Variants in TMEM163 observed in about 807,000 individuals in gnomAD.
TMEM163 encodes transmembrane protein 163.
Under a neutral mutation model 29.3 loss-of-function variants are expected in TMEM163, and 17 were observed. The observed-to-expected ratio is 0.58, with a 90% CI of 0.40 to 0.87. The LOEUF is 0.87. Among genes scored for constraint, TMEM163 ranks in the 40% least tolerant of loss-of-function variants. The probability of loss-of-function intolerance (pLI) is 0.00; values close to 1 mark genes in which losing one functional copy is unlikely to be tolerated. For missense variants in TMEM163, 303 were observed against 381.5 expected (o/e 0.79, Z 1.71); for synonymous variants, 157 against 160.6 (o/e 0.98, Z 0.17).
intron 2 of TMEM163, among the ~76,000 whole-genome samples, chr2:134,602,872 T>A (rs376990263): frequency 2.0e-5 from 3 of 152,046 alleles, no homozygotes; most frequent in Admixed American, 2.0e-4. Flanking sequence ...GGGGATCCCA[T>A]TGGCTCTCAA....
At chr2:134,634,007 ATATATATATAT>A (rs1558971931) in intron 2 of TMEM163, among the ~76,000 whole-genome samples, 18 of 29,458 alleles carry the variant, frequency 6.1e-4, no homozygotes, top group African/African-American at 2.2e-3. Flanking sequence ...ATATATATAT[ATATATATATAT>A]ATAATAGGAC....
chr2:134,522,991 C>T (rs141851287), intron 4 of TMEM163, among the ~76,000 whole-genome samples: 76 of 152,284 alleles, frequency 5.0e-4, no homozygotes, highest in Middle Eastern at 3.4e-3. Context: ...AGAACCACAC[C>T]GCCTCATACA....
intron 2 of TMEM163, among the ~76,000 whole-genome samples, chr2:134,613,500 G>A (rs1231431771): frequency 1.3e-5 from 2 of 151,966 alleles, no homozygotes; most frequent in Non-Finnish European, 2.9e-5. Flanking sequence ...GGGAAATTTT[G>A]AAAAACAAGA....
chr2:134,459,436 A>G (rs1287812015), intron 6 of TMEM163, among the ~76,000 whole-genome samples: 1 of 152,162 alleles, frequency 6.6e-6, no homozygotes, highest in Non-Finnish European at 1.5e-5. Flanking sequence ...TTCCTGTAAC[A>G]GGAACAAGGG....
At chr2:134,606,922 A>G (rs1682384126) in intron 2 of TMEM163, among the ~76,000 whole-genome samples, 1 of 148,054 alleles carries the variant, frequency 6.8e-6, no homozygotes, top group African/African-American at 2.7e-5. Context: ...ACAGACCCCG[A>G]GAACTGTGCT....
In TMEM163 at chr2:134,458,262, A is replaced by G; in HGVS notation, c.668-89T>C. Reference sequence around the variant, plus strand: ...GCCAGTCCTGCCTCCACGTAACTGGAGCATGTGCTGGGAGGAATGATGCCC... The same window carrying G: ...GCCAGTCCTGCCTCCACGTAACTGGGGCATGTGCTGGGAGGAATGATGCCC... On this transcript the variant is annotated intron_variant, in intron 6 of 7. Transcript: ENST00000281924. 7 of 1,511,828 alleles carry G rather than the reference A, an allele frequency of 4.6e-6. No homozygotes were observed. In the South Asian group the frequency reaches 8.3e-5, roughly 18 times the overall value. The allele number at this position is 1,511,828 out of a possible 1,614,324, so 93.7% of individuals were successfully genotyped here.
At chr2:134,669,057 A>G (rs1375945521) in intron 2 of TMEM163, among the ~76,000 whole-genome samples, 1 of 152,204 alleles carries the variant, frequency 6.6e-6, no homozygotes, top group East Asian at 1.9e-4. Flanking sequence ...CTGCAGAGGC[A>G]TCTGTGAGAG....
At chr2:134,701,269 T>C (rs1684698144) in intron 2 of TMEM163, among the ~76,000 whole-genome samples, 1 of 151,534 alleles carries the variant, frequency 6.6e-6, no homozygotes, top group Non-Finnish European at 1.5e-5. Context: ...CTAGAAAGCA[T>C]ATGGGCAAGT....
At chr2:134,529,237 A>G (rs1680362407) in intron 4 of TMEM163, among the ~76,000 whole-genome samples, 1 of 152,216 alleles carries the variant, frequency 6.6e-6, no homozygotes, top group African/African-American at 2.4e-5. Context: ...AGGCTGAGAC[A>G]GGAGGATCAC....
At chr2:134,498,080 C>T (rs1284015505) in intron 5 of TMEM163, among the ~76,000 whole-genome samples, 1 of 152,198 alleles carries the variant, frequency 6.6e-6, no homozygotes, top group Non-Finnish European at 1.5e-5. Flanking sequence ...TCATTTGATC[C>T]TTATCATAAG....
chr2:134,680,194 A>T (rs1188653239), intron 2 of TMEM163, among the ~76,000 whole-genome samples: 1 of 152,226 alleles, frequency 6.6e-6, no homozygotes, highest in Non-Finnish European at 1.5e-5. Flanking sequence ...TGGAGCAAAA[A>T]ATCTTAAATG....
chr2:134,549,168 A>T (rs142977277), intron 4 of TMEM163, among the ~76,000 whole-genome samples: 13 of 152,046 alleles, frequency 8.6e-5, no homozygotes, highest in African/African-American at 2.7e-4. Context: ...GTTTTTGTAC[A>T]CTAAAGCTAA....
At chr2:134,604,923 T>C (rs900361434) in intron 2 of TMEM163, among the ~76,000 whole-genome samples, 1 of 152,198 alleles carries the variant, frequency 6.6e-6, no homozygotes, top group Non-Finnish European at 1.5e-5. Context: ...CTCACACCTG[T>C]AATCCCAGCA....
At chr2:134,594,384 A>G (rs1228184314) in intron 2 of TMEM163, among the ~76,000 whole-genome samples, 3 of 152,158 alleles carry the variant, frequency 2.0e-5, no homozygotes, top group African/African-American at 7.2e-5. Context: ...GTTTCCAGTG[A>G]GTGTGATGCA....
chr2:134,674,976 A>AT (rs1684083932), intron 2 of TMEM163, among the ~76,000 whole-genome samples: 1 of 152,186 alleles, frequency 6.6e-6, no homozygotes, highest in Admixed American at 6.5e-5. Context: ...CTCCCTGAAT[A>AT]CGTACATAAT....
chr2:134,594,849 G>A (rs920429300), intron 2 of TMEM163, among the ~76,000 whole-genome samples: 2 of 95,074 alleles, frequency 2.1e-5, no homozygotes, highest in African/African-American at 5.6e-5. Context: ...AAGAGACCTT[G>A]AGTCTCTCTC....
At chr2:134,608,855 G>A (rs574608451) in intron 2 of TMEM163, among the ~76,000 whole-genome samples, 30 of 49,218 alleles carry the variant, frequency 6.1e-4, no homozygotes, top group Non-Finnish European at 9.8e-4. Context: ...CCCGAGAACT[G>A]TGCTGGTGAA....
chr2:134,477,408 T>G (rs919772809), intron 5 of TMEM163, among the ~76,000 whole-genome samples: 6 of 152,156 alleles, frequency 3.9e-5, no homozygotes, highest in African/African-American at 1.2e-4. Context: ...GGTATATACA[T>G]GATGTGCAGG....
intron 2 of TMEM163, among the ~76,000 whole-genome samples, chr2:134,660,963 G>A (rs1683734540): frequency 6.6e-6 from 1 of 152,228 alleles, no homozygotes; most frequent in African/African-American, 2.4e-5. Context: ...AGAGGGTGTT[G>A]GGAGGTGGGG....
Sources: allele counts gnomAD v4.1 joint callset (sites outside exome capture counted in the v4.1 genomes callset), GRCh38; gene constraint gnomAD v4.1.1; transcripts MANE v1.5; gene names NCBI Gene and HGNC (gene_info 2026-07-23, HGNC 2026-07-21).